The following SHTN1 variants were observed in gnomAD, a reference collection of about 807,000 sequenced individuals.
The protein encoded by SHTN1 is shootin-1.
SHTN1 carries 42 observed loss-of-function variants against 83.1 expected under a neutral mutation model. The ratio of observed to expected loss-of-function variants is 0.51; its 90% CI spans 0.39 to 0.65. The LOEUF is 0.65. SHTN1 is among the 30% of genes least tolerant of loss of function. SHTN1 has a pLI of 0.00. For synonymous variants in SHTN1, 224 were observed against 247.7 expected (o/e 0.90, Z 0.90); for missense variants, 622 against 737.8 (o/e 0.84, Z 1.82).
upstream of SHTN1, among the ~76,000 whole-genome samples, chr10:117,007,044 A>C (rs1230648360): frequency 2.6e-5 from 4 of 152,058 alleles, no homozygotes; most frequent in Non-Finnish European, 5.9e-5. Flanking sequence ...AAAATGTTTA[A>C]AGTTTAAAAA....
At chr10:116,995,257 C>T (rs988167867) in intron 1 of SHTN1, among the ~76,000 whole-genome samples, 1 of 152,152 alleles carries the variant, frequency 6.6e-6, no homozygotes, top group African/African-American at 2.4e-5. Context: ...AAAAAGAACT[C>T]TGACCTGTAC....
At chr10:117,113,771 C>T (rs888074415) in intron 1 of SHTN1, among the ~76,000 whole-genome samples, 1 of 152,064 alleles carries the variant, frequency 6.6e-6, no homozygotes, top group Non-Finnish European at 1.5e-5. Context: ...TGGGGATGGG[C>T]GCAGTGGATC....
chr10:117,109,845 TCACAAAAATAAAA>T (rs1047978485), intron 1 of SHTN1, among the ~76,000 whole-genome samples: 2 of 152,000 alleles, frequency 1.3e-5, no homozygotes, highest in Admixed American at 1.3e-4. Flanking sequence ...ACATTTATAA[TCACAAAAATAAAA>T]CACAAAAATA....
intron 2 of SHTN1, among the ~76,000 whole-genome samples, chr10:117,033,547 C>T (rs1852451287): frequency 6.6e-6 from 1 of 152,022 alleles, no homozygotes; most frequent in African/African-American, 2.4e-5. Flanking sequence ...AAAAGGTCTC[C>T]CAGTAAAGAA....
intron 1 of SHTN1, among the ~76,000 whole-genome samples, chr10:117,097,007 G>A (rs1314870113): frequency 3.4e-5 from 5 of 146,478 alleles, no homozygotes; most frequent in African/African-American, 5.0e-5. Flanking sequence ...AAGCGCGCAC[G>A]CGCGCGCACA....
intron 1 of SHTN1, among the ~76,000 whole-genome samples, chr10:117,122,757 A>T (rs1472383944): frequency 6.6e-6 from 1 of 152,238 alleles, no homozygotes; most frequent in African/African-American, 2.4e-5. Context: ...AGGAACAGCA[A>T]TTCCAACAGT....
At chr10:117,044,668 CAG>C (rs1052719688) in intron 2 of SHTN1, among the ~76,000 whole-genome samples, 1 of 152,068 alleles carries the variant, frequency 6.6e-6, no homozygotes, top group African/African-American at 2.4e-5. Flanking sequence ...TCTGACCTAA[CAG>C]AGTGGAAACA....
intron 1 of SHTN1, among the ~76,000 whole-genome samples, chr10:117,118,886 T>A (rs988240295): frequency 2.0e-5 from 3 of 152,110 alleles, no homozygotes; most frequent in African/African-American, 7.2e-5. Context: ...TGACACGCAT[T>A]TACCTATGTA....
At chr10:116,936,717 T>A (rs191598491) in intron 9 of SHTN1, among the ~76,000 whole-genome samples, 73 of 152,292 alleles carry the variant, frequency 4.8e-4, no homozygotes, top group African/African-American at 1.7e-3. Context: ...GTCCTGAATA[T>A]CCTTGTTCAT....
chr10:116,989,549 G>A (rs1440381853), intron 1 of SHTN1, among the ~76,000 whole-genome samples: 2 of 152,018 alleles, frequency 1.3e-5, no homozygotes, highest in Non-Finnish European at 2.9e-5. Flanking sequence ...CCTCCCCCTC[G>A]TTCCTGCCTA....
rs938382405 is a variant in SHTN1 at position 116,885,563 on chromosome 10, T to C, written c.*781A>G. On this transcript the variant is annotated 3_prime_UTR_variant, in exon 17 of 17. Coordinates refer to ENST00000355371, the MANE Select transcript of SHTN1 (RefSeq NM_001127211.3). ...ACATAAGAACTCTGATAAAATATGG[T>C]ACTTGTGCCACATTAGTATTTGGGA... is the stretch of plus-strand genomic sequence containing the variant. 1.3e-5 allele frequency: 2 copies of C among 152,626 alleles called. No homozygotes were observed. Among genetic ancestry groups the C allele is most frequent in the African/African-American group, 4.8e-5 (2 of 41,438 alleles). 9.5% of individuals were successfully genotyped at this position (152,626 alleles called of 1,614,324 possible).
At position 116,921,428 on chromosome 10, in the gene SHTN1, GCTTA is replaced by G; in HGVS notation, c.1195+2_1195+5del. ...AACCACTTACACCAATAGAAGTGAT[GCTTA>G]CTTGTTTCTGGTTGAGTTGCCTTTT... On this transcript the variant is annotated splice_donor_variant and splice_donor_5th_base_variant and intron_variant, in intron 12 of 16. Transcript: ENST00000355371. LOFTEE classifies it high-confidence loss of function. The G allele has an allele frequency of 1.9e-6, 3 of 1,607,848 alleles. No homozygotes were observed. The highest frequency in any genetic ancestry group is 2.6e-6 in the Non-Finnish European group (3 of 1,174,764).
chr10:116,992,292 CAAGT>C (rs1370060336), intron 1 of SHTN1, among the ~76,000 whole-genome samples: 1 of 152,202 alleles, frequency 6.6e-6, no homozygotes, highest in Non-Finnish European at 1.5e-5. Flanking sequence ...ATTAGATAAA[CAAGT>C]CAGTCCATTG....
In SHTN1 at chr10:116,881,520, A is replaced by G. The variant is rs1024329145; in HGVS notation, c.*4824T>C. 3.2e-6 allele frequency: 5 copies of G among 1,539,194 alleles called. No individual in the cohort carries two copies. The East Asian group carries it at 1.2e-4, about 38-fold the overall frequency. The stretch of plus-strand genomic sequence containing the variant: ...TTTATTGTTACTTTAAATAGGTTTC[A>G]AAGAAGAACACACTTTTTTTTACTT... On this transcript the variant is annotated 3_prime_UTR_variant, in exon 17 of 17. Transcript: ENST00000355371.
intron 16 of SHTN1, 79 bp downstream of exon 16, chr10:116,901,686 G>C: frequency 7.1e-7 from 1 of 1,400,758 alleles, no homozygotes; most frequent in South Asian, 1.8e-5. Context: ...CTCTCTAAAG[G>C]AAACAAATCA....
chr10:116,983,698 AC>A, intron 1 of SHTN1, among the ~76,000 whole-genome samples: 1 of 146,244 alleles, frequency 6.8e-6, no homozygotes, highest in African/African-American at 2.6e-5. Flanking sequence ...ATACATACAT[AC>A]ATACATACAT....
intron 1 of SHTN1, among the ~76,000 whole-genome samples, chr10:117,067,507 A>G (rs1232535260): frequency 6.6e-6 from 1 of 152,194 alleles, no homozygotes; most frequent in East Asian, 1.9e-4. Flanking sequence ...AGGCAGGATA[A>G]TCGCTTGAAC....
chr10:117,037,402 G>T (rs1024658086), intron 2 of SHTN1, among the ~76,000 whole-genome samples: 1 of 152,118 alleles, frequency 6.6e-6, no homozygotes, highest in Admixed American at 6.6e-5. Flanking sequence ...AAAAACTGAT[G>T]AAAGAAATCA....
intron 12 of SHTN1, among the ~76,000 whole-genome samples, chr10:116,918,641 G>A (rs1848452449): frequency 6.6e-6 from 1 of 152,160 alleles, no homozygotes; most frequent in Non-Finnish European, 1.5e-5. Context: ...AGGATGGCTA[G>A]TACCTTTTCC....
Sources: gnomAD v4.1 joint callset for allele counts (sites outside exome capture counted in the v4.1 genomes callset) on GRCh38, gnomAD v4.1.1 for gene constraint, MANE v1.5 for transcripts, NCBI Gene and HGNC (gene_info 2026-07-23, HGNC 2026-07-21) for gene names.